The following BTRC variants were observed in gnomAD, a reference collection of about 807,000 sequenced individuals.
BTRC encodes the protein F-box/WD repeat-containing protein 1A.
Under a neutral mutation model 85.5 loss-of-function variants are expected in BTRC, and 42 were observed. The observed-to-expected ratio is 0.49, with a 90% confidence interval of 0.38 to 0.64. The LOEUF (loss-of-function observed/expected upper bound fraction) is 0.64. BTRC is among the 30% of genes least tolerant of loss of function. The probability of loss-of-function intolerance (pLI) is 0.00; values close to 1 mark genes in which losing one functional copy is unlikely to be tolerated. For synonymous variants in BTRC, 255 were observed against 263.3 expected (o/e 0.97, Z 0.30); for missense variants, 594 against 743.5 (o/e 0.80, Z 2.34).
chr10:101,476,449 A>G (rs949831620), intron 3 of BTRC, among the ~76,000 whole-genome samples: 1 of 152,156 alleles, frequency 6.6e-6, no homozygotes, highest in Non-Finnish European at 1.5e-5. Context: ...GGTGACAAGT[A>G]TATAGGAAAT....
chr10:101,508,134 T>C (rs892007806), intron 4 of BTRC, among the ~76,000 whole-genome samples: 5 of 152,188 alleles, frequency 3.3e-5, no homozygotes, highest in Non-Finnish European at 1.5e-5. Context: ...AATGAAAAAC[T>C]GCTTTGTTCT....
chr10:101,520,350 G>T (rs1410195911), intron 4 of BTRC, among the ~76,000 whole-genome samples: 2 of 152,026 alleles, frequency 1.3e-5, no homozygotes, highest in Non-Finnish European at 2.9e-5. Context: ...ACTGCACCTG[G>T]CTGCTTCTGT....
chr10:101,435,406 TTG>T (rs1440332693), intron 2 of BTRC, among the ~76,000 whole-genome samples: 4 of 152,182 alleles, frequency 2.6e-5, no homozygotes, highest in Non-Finnish European at 5.9e-5. Flanking sequence ...CACCAAGAAT[TTG>T]TGTTGCCTAT....
chr10:101,454,531 G>A (rs1242818342), intron 2 of BTRC, among the ~76,000 whole-genome samples: 2 of 152,176 alleles, frequency 1.3e-5, no homozygotes, highest in Admixed American at 1.3e-4. Context: ...TGTAATCCCA[G>A]CACTTTGGGA....
chr10:101,521,686 G>A lies in BTRC; in HGVS notation c.372G>A (p.Arg124=). 6.2e-7 allele frequency: 1 copy of A among 1,614,116 alleles called. No individual in the cohort carries two copies. Among genetic ancestry groups the A allele is most frequent in the Non-Finnish European group, 8.5e-7 (1 of 1,180,030 alleles). Residue 124 remains arginine (R), a synonymous_variant, in exon 5 of 15, where the codon CGG becomes CGA. Transcript: ENST00000370187. ...GTSSMIVPKQ[R]KLSASYEKEK... ...CCAGTATGATTGTGCCCAAGCAACG[G>A]AAACTCTCAGCAAGCTATGAAAAGG...
At chr10:101,422,522 T>C (rs1944130518) in intron 1 of BTRC, among the ~76,000 whole-genome samples, 2 of 152,220 alleles carry the variant, frequency 1.3e-5, no homozygotes. Context: ...CTTTTGGTGT[T>C]TTAGACATGA....
intron 1 of BTRC, among the ~76,000 whole-genome samples, chr10:101,427,113 C>CTTTTTTTTTTTTTTTTT (rs138285266): frequency 3.0e-4 from 33 of 109,360 alleles, no homozygotes; most frequent in East Asian, 8.1e-4. Flanking sequence ...TTTTTTCTTT[C>CTTTTTTTTTTTTTTTTT]TTTTTTTTTT....
At chr10:101,538,993 G>A (rs1302108421) in intron 13 of BTRC, among the ~76,000 whole-genome samples, 8 of 151,704 alleles carry the variant, frequency 5.3e-5, no homozygotes. Context: ...GGAGGTTGCA[G>A]TGAACCAAGA....
At chr10:101,453,053 G>A (rs566503322) in intron 2 of BTRC, among the ~76,000 whole-genome samples, 302 of 152,012 alleles carry the variant, frequency 2.0e-3, no homozygotes, top group African/African-American at 7.0e-3. Context: ...GAGTGATTTT[G>A]TCCATGTAGC....
chr10:101,433,834 G>C (rs1234041026), intron 2 of BTRC, among the ~76,000 whole-genome samples: 1 of 152,116 alleles, frequency 6.6e-6, no homozygotes, highest in Admixed American at 6.6e-5. Flanking sequence ...AGAGAGAGAT[G>C]ATGGCAGCTT....
At chr10:101,361,463 T>C (rs1228501925) in intron 1 of BTRC, among the ~76,000 whole-genome samples, 1 of 152,222 alleles carries the variant, frequency 6.6e-6, no homozygotes, top group Non-Finnish European at 1.5e-5. Context: ...GAGAATCCAT[T>C]GAGGATGAAA....
chr10:101,553,517 A>C lies in BTRC; in HGVS notation c.*394A>C, dbSNP rs2062683518. The C allele has an allele frequency of 6.6e-6, 1 of 152,654 alleles. No individual in the cohort carries two copies. Among genetic ancestry groups the C allele is most frequent in the South Asian group, 2.1e-4 (1 of 4,834 alleles). 9.5% of individuals were successfully genotyped at this position (152,654 alleles called of 1,614,324 possible). A position where few individuals can be genotyped will look rare whatever the true frequency, so the allele number is the denominator to read the frequency against. On this transcript the variant is annotated 3_prime_UTR_variant, in exon 15 of 15. Transcript: ENST00000370187. ...TCTTGCTTTGCCATTAAGCAGAAGA[A>C]CTAGTTTCCCTGTATAGCCTGCTGG...
In BTRC at chr10:101,556,736, G is replaced by A. The variant is rs138528205; in HGVS notation, c.*3613G>A. On this transcript the variant is annotated 3_prime_UTR_variant, in exon 15 of 15. Coordinates refer to ENST00000370187, the MANE Select transcript of BTRC (RefSeq NM_033637.4). ...GATGATGGCTGCCTGGTTTCAGGTGGAACTTAATGCATTGATCTTTAGAAG... is the reference window on the plus strand; with the variant it reads ...GATGATGGCTGCCTGGTTTCAGGTGAAACTTAATGCATTGATCTTTAGAAG... The A allele has an allele frequency of 6.6e-6, 1 of 152,364 alleles. No homozygotes were observed. The highest frequency in any genetic ancestry group is 1.5e-5 in the Non-Finnish European group (1 of 68,040). The allele number at this position is 152,364 out of a possible 1,614,324, so 9.4% of individuals were successfully genotyped here. A position where few individuals can be genotyped will look rare whatever the true frequency, so the allele number is the denominator to read the frequency against.
At chr10:101,394,508 GT>G (rs1943315193) in intron 1 of BTRC, among the ~76,000 whole-genome samples, 1 of 152,130 alleles carries the variant, frequency 6.6e-6, no homozygotes, top group Non-Finnish European at 1.5e-5. Flanking sequence ...CAGTTGTCTA[GT>G]TTCAAAGGTA....
At chr10:101,465,645 A>C (rs983589291) in intron 3 of BTRC, among the ~76,000 whole-genome samples, 8 of 152,340 alleles carry the variant, frequency 5.3e-5, no homozygotes, top group Non-Finnish European at 1.0e-4. Flanking sequence ...AGAGAAGGAA[A>C]GAACACTCCT....
At chr10:101,481,047 G>A (rs1034906884) in intron 4 of BTRC, among the ~76,000 whole-genome samples, 2 of 152,116 alleles carry the variant, frequency 1.3e-5, no homozygotes, top group African/African-American at 2.4e-5. Context: ...TCAGCCTCCC[G>A]AGTAGCTGAA....
chr10:101,445,976 T>C (rs541726078), intron 2 of BTRC, among the ~76,000 whole-genome samples: 1 of 152,280 alleles, frequency 6.6e-6, no homozygotes, highest in African/African-American at 2.4e-5. Context: ...GGAATGATAA[T>C]GTGGCACTGG....
chr10:101,410,994 C>T (rs1943761336), intron 1 of BTRC, among the ~76,000 whole-genome samples: 1 of 138,624 alleles, frequency 7.2e-6, no homozygotes, highest in Non-Finnish European at 1.5e-5. Context: ...GTATTTCTGG[C>T]ACTTTTTTTT....
intron 1 of BTRC, among the ~76,000 whole-genome samples, chr10:101,377,240 T>A (rs1432584698): frequency 1.3e-5 from 2 of 152,238 alleles, no homozygotes; most frequent in Admixed American, 1.3e-4. Context: ...GGAGTTCACG[T>A]CTTACTATTG....
Sources: gnomAD v4.1 joint callset for allele counts (sites outside exome capture counted in the v4.1 genomes callset) on GRCh38, gnomAD v4.1.1 for gene constraint, MANE v1.5 for transcripts, NCBI Gene and HGNC (gene_info 2026-07-23, HGNC 2026-07-21) for gene names.